TSHZ2: variants seen among roughly 807,000 people sequenced by gnomAD.
TSHZ2 encodes teashirt zinc finger homeobox 2, also known as teashirt homolog 2.
Under a neutral mutation model 74.4 loss-of-function variants are expected in TSHZ2, and 21 were observed. The ratio of observed to expected loss-of-function variants is 0.28; its 90% CI spans 0.20 to 0.41. The LOEUF (loss-of-function observed/expected upper bound fraction) is 0.41, where lower values mean the gene tolerates loss of function less well. TSHZ2 is among the 10% of genes least tolerant of loss of function. The pLI, the probability that TSHZ2 is intolerant of heterozygous loss-of-function variation, is 1.00. For synonymous variants in TSHZ2, 540 were observed against 515.3 expected, an observed-to-expected ratio of 1.05 and a Z score of -0.65; for missense variants, 1,244 against 1,293.5, an observed-to-expected ratio of 0.96 and a Z score of 0.59.
At chr20:53,421,480 A>G in intron 2 of TSHZ2, 1 of 232,326 alleles carries the variant, frequency 4.3e-6, no homozygotes. Context: ...TGGACTCAAC[A>G]CAAATGGTTC....
chr20:53,221,484 G>T (rs1989555951), intron 1 of TSHZ2, among the ~76,000 whole-genome samples: 1 of 152,122 alleles, frequency 6.6e-6, no homozygotes, highest in Non-Finnish European at 1.5e-5. Context: ...TTTCTGATCA[G>T]GCTACAGGAA....
chr20:53,242,207 C>G (rs1990086238), intron 1 of TSHZ2, among the ~76,000 whole-genome samples: 1 of 152,122 alleles, frequency 6.6e-6, no homozygotes. Flanking sequence ...GGATGTTTAG[C>G]TGCATCCCTG....
rs949482751 is a variant in TSHZ2, at chr20:53,223,152, C to G, written c.41-30347C>G. Among the ~76,000 whole-genome samples the G allele has an allele frequency of 6.0e-5, 9 of 150,456 alleles. No homozygotes were observed. The South Asian group carries it at 1.5e-3, about 24-fold the overall frequency. ...TGACCTAGAGATTTTTTTTTTTGGT[C>G]AAAAGCATCTTTGTGGCTATATTAT... On this transcript the variant is annotated intron_variant, in intron 1 of 2. Coordinates refer to ENST00000371497, the MANE Select transcript of TSHZ2 (RefSeq NM_173485.6).
At chr20:53,167,745 G>A (rs1278755160) in intron 1 of TSHZ2, among the ~76,000 whole-genome samples, 4 of 152,172 alleles carry the variant, frequency 2.6e-5, no homozygotes, top group African/African-American at 7.2e-5. Context: ...TGGTGAAGGT[G>A]GCAGAGAGGT....
intron 2 of TSHZ2, among the ~76,000 whole-genome samples, chr20:53,324,156 C>A (rs939563137): frequency 1.3e-5 from 2 of 152,154 alleles, no homozygotes; most frequent in Admixed American, 1.3e-4. Context: ...GAGAGAATGC[C>A]TCCACTCACA....
At chr20:53,067,472 C>T (rs962101395) in intron 1 of TSHZ2, among the ~76,000 whole-genome samples, 10 of 152,208 alleles carry the variant, frequency 6.6e-5, no homozygotes, top group Non-Finnish European at 1.3e-4. Flanking sequence ...TGAGAATTGT[C>T]ACTGAAAAGT....
At chr20:53,072,753 A>G (rs6022268) in intron 1 of TSHZ2, among the ~76,000 whole-genome samples, 3,249 of 152,298 alleles carry the variant, frequency 0.021, 69 homozygotes, top group South Asian at 0.081. Context: ...AAGTATGGGA[A>G]TAGAGTCTGT....
intron 2 of TSHZ2, among the ~76,000 whole-genome samples, chr20:53,258,034 T>TA (rs1047209205): frequency 6.6e-6 from 1 of 152,176 alleles, no homozygotes. Context: ...AATAAAAAGT[T>TA]AAAATATCTG....
intron 2 of TSHZ2, among the ~76,000 whole-genome samples, chr20:53,355,785 A>G (rs1980823181): frequency 1.1e-5 from 1 of 88,436 alleles, no homozygotes; most frequent in African/African-American, 3.1e-5. Flanking sequence ...CTGTTAACAA[A>G]ACAAAAAGAA....
chr20:53,132,733 C>CT (rs1347673750), intron 1 of TSHZ2, among the ~76,000 whole-genome samples: 1 of 152,152 alleles, frequency 6.6e-6, no homozygotes, highest in African/African-American at 2.4e-5. Flanking sequence ...TACTGTGACA[C>CT]TTTATCATTG....
intron 2 of TSHZ2, chr20:53,398,423 A>G (rs1386621087): frequency 6.6e-6 from 1 of 152,224 alleles, no homozygotes; most frequent in African/African-American, 2.4e-5. Flanking sequence ...CTGAAGTCAG[A>G]CCAACTGATT....
At chr20:53,215,321 T>C (rs1183954176) in intron 1 of TSHZ2, among the ~76,000 whole-genome samples, 4 of 151,994 alleles carry the variant, frequency 2.6e-5, no homozygotes, top group Non-Finnish European at 4.4e-5. Context: ...ATAGCAGCAT[T>C]TTGAGAGCTG....
intron 1 of TSHZ2, among the ~76,000 whole-genome samples, chr20:53,014,863 G>A (rs143292702): frequency 1.1e-4 from 17 of 152,216 alleles, no homozygotes; most frequent in East Asian, 7.7e-4. Context: ...AGAATGAGTC[G>A]TCTGTTCGTT....
intron 1 of TSHZ2, among the ~76,000 whole-genome samples, chr20:53,008,652 G>A (rs1285193452): frequency 6.6e-6 from 1 of 151,886 alleles, no homozygotes. Context: ...TTAAGTCAAG[G>A]TAGGGGGCTG....
chr20:53,326,395 C>T (rs554446616), intron 2 of TSHZ2, among the ~76,000 whole-genome samples: 2 of 152,274 alleles, frequency 1.3e-5, no homozygotes, highest in South Asian at 4.1e-4. Context: ...CATCTCAGGC[C>T]ATAGATAGTT....
rs192613577 is a variant in TSHZ2 at position 53,428,826 on chromosome 20, T to C, written c.*9-58318T>C. The stretch of plus-strand genomic sequence containing the variant: ...ATCATAAAAATGTCATGCATGTGAA[T>C]GACAGGCATCGCAGGTCAGGGGAGG... On this transcript the variant is annotated intron_variant, in intron 2 of 2. Transcript: ENST00000371497. Among the ~76,000 whole-genome samples the C allele has an allele frequency of 1.7e-3, 253 of 152,316 alleles. 1 individual carries two copies. Among genetic ancestry groups the C allele is most frequent in the Middle Eastern group, 6.8e-3 (2 of 294 alleles).
intron 1 of TSHZ2, among the ~76,000 whole-genome samples, chr20:53,118,182 A>G (rs1453828499): frequency 6.6e-6 from 1 of 152,230 alleles, no homozygotes; most frequent in Non-Finnish European, 1.5e-5. Context: ...ATATGGGTAA[A>G]TGGTTCTTAC....
At chr20:53,471,814 T>A in intron 2 of TSHZ2, among the ~76,000 whole-genome samples, 1 of 149,556 alleles carries the variant, frequency 6.7e-6, no homozygotes, top group Admixed American at 6.6e-5. Flanking sequence ...TTTTTTTTTT[T>A]TTTTTTTTTG....
Position 53,274,218 on chromosome 20 carries a change from C to T in TSHZ2, c.*8+17647C>T, listed in dbSNP as rs573797338. ...CTGGGAGACGGAGATTGCAGTGAGC[C>T]GAGATCGCACCGCTGCGCTCCAGCC... On this transcript the variant is annotated intron_variant, in intron 2 of 2. Coordinates refer to ENST00000371497, the MANE Select transcript of TSHZ2 (RefSeq NM_173485.6). 1.8e-4 allele frequency among the ~76,000 whole-genome samples: 27 copies of T among 152,294 alleles called. No homozygotes were observed. The South Asian group carries it at 3.9e-3, about 22-fold the overall frequency.
Sources: allele counts gnomAD v4.1 joint callset (sites outside exome capture counted in the v4.1 genomes callset), GRCh38; gene constraint gnomAD v4.1.1; transcripts MANE v1.5; gene names NCBI Gene and HGNC (gene_info 2026-07-23, HGNC 2026-07-21).